SGCZ: variants seen among roughly 807,000 people sequenced by gnomAD.
SGCZ encodes sarcoglycan zeta, also known as zeta-sarcoglycan.
In SGCZ, 40 loss-of-function variants were observed where a neutral mutation model predicts 41.3. The ratio of observed to expected loss-of-function variants is 0.97; its 90% CI spans 0.75 to 1.26. SGCZ has a LOEUF of 1.26. Among genes scored for constraint, SGCZ ranks in the 50% most tolerant of loss-of-function variants. The probability of loss-of-function intolerance (pLI) is 0.00; values close to 1 mark genes in which losing one functional copy is unlikely to be tolerated. For missense variants in SGCZ, 552 were observed against 369.8 expected (o/e 1.49, Z -4.04); for synonymous variants, 206 against 137.5 (o/e 1.50, Z -3.49).
intron 3 of SGCZ, among the ~76,000 whole-genome samples, chr8:14,321,861 T>C (rs1801927629): frequency 6.6e-6 from 1 of 152,104 alleles, no homozygotes; most frequent in South Asian, 2.1e-4. Context: ...TCTGCTTTCA[T>C]TATTGAAATG....
chr8:14,590,210 A>C (rs1805196964), intron 1 of SGCZ, among the ~76,000 whole-genome samples: 1 of 152,146 alleles, frequency 6.6e-6, no homozygotes, highest in Non-Finnish European at 1.5e-5. Context: ...TAAATATCTT[A>C]TGTCTACTAG....
At chr8:15,226,697 C>A (rs778694929) in intron 1 of SGCZ, among the ~76,000 whole-genome samples, 3 of 152,264 alleles carry the variant, frequency 2.0e-5, no homozygotes, top group African/African-American at 4.8e-5. Context: ...CCAAACCCAC[C>A]CTGAACACTA....
intron 2 of SGCZ, among the ~76,000 whole-genome samples, chr8:14,375,536 G>C (rs1804088682): frequency 6.6e-6 from 1 of 152,050 alleles, no homozygotes; most frequent in Non-Finnish European, 1.5e-5. Context: ...AAAACTCTCT[G>C]ATTGCAATGT....
rs1366565546 is a variant in SGCZ, at chr8:14,087,955, C to A, written c.*2488G>T. Among the ~76,000 whole-genome samples, 1 of 151,710 alleles carries A rather than the reference C, an allele frequency of 6.6e-6. No individual in the cohort carries two copies. On this transcript the variant is annotated 3_prime_UTR_variant, in exon 8 of 8. Transcript: ENST00000382080. ...ATTTGTTATATCATCTGGATACAGT[C>A]TAAAGCTCTCAAGCTTGTAAGTTAC...
intron 1 of SGCZ, among the ~76,000 whole-genome samples, chr8:14,879,499 C>T (rs1284845512): frequency 6.6e-6 from 1 of 151,908 alleles, no homozygotes; most frequent in Non-Finnish European, 1.5e-5. Context: ...GGAAGTATCT[C>T]CTGATTCAGC....
chr8:14,711,435 C>CAAAA (rs543412312), intron 1 of SGCZ, among the ~76,000 whole-genome samples: 1 of 102,986 alleles, frequency 9.7e-6, no homozygotes, highest in Non-Finnish European at 2.0e-5. Flanking sequence ...ACTAAAAATA[C>CAAAA]AAAAAAAAAA....
chr8:14,888,381 C>T (rs1011330689), intron 1 of SGCZ, among the ~76,000 whole-genome samples: 1 of 152,026 alleles, frequency 6.6e-6, no homozygotes, highest in African/African-American at 2.4e-5. Flanking sequence ...GAAGCTTTGC[C>T]ATCTTTTAAT....
chr8:14,671,487 A>G (rs1351884923), intron 1 of SGCZ, among the ~76,000 whole-genome samples: 1 of 152,212 alleles, frequency 6.6e-6, no homozygotes, highest in South Asian at 2.1e-4. Context: ...AAATTATTTG[A>G]AAAGATCTAA....
intron 1 of SGCZ, among the ~76,000 whole-genome samples, chr8:15,026,660 T>C (rs1354335172): frequency 5.9e-5 from 9 of 152,166 alleles, no homozygotes; most frequent in African/African-American, 1.9e-4. Flanking sequence ...AGATTCATTG[T>C]CCAAGCCATT....
intron 1 of SGCZ, among the ~76,000 whole-genome samples, chr8:14,661,289 T>C (rs951343212): frequency 1.3e-5 from 2 of 152,172 alleles, no homozygotes; most frequent in Non-Finnish European, 2.9e-5. Flanking sequence ...AGAATGCATG[T>C]TTCCATCTGT....
At chr8:15,072,455 A>AT (rs1420850044) in intron 1 of SGCZ, among the ~76,000 whole-genome samples, 5 of 152,226 alleles carry the variant, frequency 3.3e-5, no homozygotes, top group East Asian at 1.9e-4. Context: ...TGGTTAAAGC[A>AT]TTTTTTCTAC....
intron 3 of SGCZ, among the ~76,000 whole-genome samples, chr8:14,274,201 T>C (rs1419936176): frequency 1.3e-5 from 2 of 152,146 alleles, no homozygotes; most frequent in Non-Finnish European, 2.9e-5. Flanking sequence ...ATGAAGTAAA[T>C]TGTATTGCAA....
chr8:14,644,324 G>A (rs931885164), intron 1 of SGCZ, among the ~76,000 whole-genome samples: 4 of 151,718 alleles, frequency 2.6e-5, no homozygotes, highest in South Asian at 4.1e-4. Flanking sequence ...AGGTTTCCCA[G>A]GAAAGAAGAA....
intron 1 of SGCZ, among the ~76,000 whole-genome samples, chr8:14,773,631 C>T (rs1029924506): frequency 6.6e-6 from 1 of 152,174 alleles, no homozygotes; most frequent in African/African-American, 2.4e-5. Context: ...CAAATTACTT[C>T]TCCTCTTCCT....
chr8:14,590,832 A>G (rs1805216571), intron 1 of SGCZ, among the ~76,000 whole-genome samples: 1 of 148,240 alleles, frequency 6.7e-6, no homozygotes, highest in South Asian at 2.1e-4. Flanking sequence ...TATCATGAAT[A>G]TGTATTCATA....
At chr8:14,460,459 T>C (rs1226975114) in intron 2 of SGCZ, among the ~76,000 whole-genome samples, 1 of 152,168 alleles carries the variant, frequency 6.6e-6, no homozygotes, top group African/African-American at 2.4e-5. Context: ...TGGGTGTCAG[T>C]GCTCACTTGC....
chr8:15,097,857 C>G (rs5029602), intron 1 of SGCZ, among the ~76,000 whole-genome samples: 1 of 39,442 alleles, frequency 2.5e-5, no homozygotes. Flanking sequence ...TATATATATA[C>G]GTGTGTGTGT....
chr8:14,497,738 G>T (rs1050364708), intron 2 of SGCZ, among the ~76,000 whole-genome samples: 1 of 152,102 alleles, frequency 6.6e-6, no homozygotes, highest in African/African-American at 2.4e-5. Flanking sequence ...TCCACCCCAT[G>T]ATCTAATACC....
intron 1 of SGCZ, among the ~76,000 whole-genome samples, chr8:14,738,191 T>G (rs952379177): frequency 1.3e-5 from 2 of 152,062 alleles, no homozygotes; most frequent in Non-Finnish European, 2.9e-5. Context: ...ATCTCTGTTT[T>G]CAACATTATT....
Sources: gnomAD v4.1 joint callset for allele counts (sites outside exome capture counted in the v4.1 genomes callset) on GRCh38, gnomAD v4.1.1 for gene constraint, MANE v1.5 for transcripts, NCBI Gene and HGNC (gene_info 2026-07-23, HGNC 2026-07-21) for gene names.